Variants in WDR72 observed in about 807,000 individuals in gnomAD.
WDR72 encodes the protein WD repeat-containing protein 72.
A neutral mutation model predicts 124.2 loss-of-function variants in WDR72; 120 were observed. The observed-to-expected ratio is 0.97, with a 90% confidence interval of 0.83 to 1.12. WDR72 has a LOEUF of 1.12. WDR72 is among the 50% of genes most tolerant of loss of function. The pLI is 0.00. For synonymous variants in WDR72, 452 were observed against 441.7 expected (o/e 1.02, Z -0.29); for missense variants, 1,387 against 1,278.8 (o/e 1.08, Z -1.29).
chr15:53,702,162 C>A lies in WDR72; in HGVS notation c.1541G>T (p.Ser514Ile). 1 of 1,613,834 alleles carries A rather than the reference C, an allele frequency of 6.2e-7. No individual in the cohort carries two copies. Among genetic ancestry groups the A allele is most frequent in the Non-Finnish European group, 8.5e-7 (1 of 1,179,954 alleles). Residue 514 changes from serine (S) to isoleucine (I), a missense_variant, in exon 12 of 20, where the codon AGT (serine) becomes ATT (isoleucine). Physicochemically the swap from Ser to Ile is moderately radical, Grantham distance 142. Transcript: ENST00000360509. Reference protein sequence around the residue: ...KFFLEAGPVTSLLMSPEKFKL... With the variant: ...KFFLEAGPVTILLMSPEKFKL... ...AAACTTCTCTGGTGACATCAAAAGA[C>A]TTGTTACTGGACCAGCTTCCAAAAA... is the stretch of plus-strand genomic sequence containing the variant.
chr15:53,715,856 C>T (rs2017690332), intron 4 of WDR72, among the ~76,000 whole-genome samples: 1 of 152,138 alleles, frequency 6.6e-6, no homozygotes, highest in African/African-American at 2.4e-5. Flanking sequence ...AACCCAGGTT[C>T]CTTGCCATAG....
At chr15:53,623,355 G>A (rs1345005908) in intron 14 of WDR72, among the ~76,000 whole-genome samples, 1 of 151,920 alleles carries the variant, frequency 6.6e-6, no homozygotes, top group Non-Finnish European at 1.5e-5. Flanking sequence ...ATTGATAAGT[G>A]AGAACATGCA....
chr15:53,715,208 A>G lies in WDR72; in HGVS notation c.499T>C (p.Ser167Pro). The change falls in exon 5 of 20, where the codon TCC becomes CCC. Residue 167 changes from serine (S) to proline (P), a missense_variant. Ser to Pro is a moderately conservative substitution (Grantham distance 74, BLOSUM62 -1). Coordinates refer to ENST00000360509, the MANE Select transcript of WDR72 (RefSeq NM_182758.4). Reference protein sequence around the residue: ...DWINCMCIVHSMRIQEDSLLV... With the variant: ...DWINCMCIVHPMRIQEDSLLV... ...CAACTATTACCTTGAATTCTCATGG[A>G]GTGAACAATGCACATGCAGTTGATC... is the stretch of plus-strand genomic sequence containing the variant. The G allele has an allele frequency of 6.2e-7, 1 of 1,614,106 alleles. No individual in the cohort carries two copies.
intron 18 of WDR72, among the ~76,000 whole-genome samples, chr15:53,543,380 G>C (rs1452745140): frequency 6.6e-6 from 1 of 152,118 alleles, no homozygotes; most frequent in Non-Finnish European, 1.5e-5. Context: ...TGAACAACCT[G>C]CTCCTGAATG....
chr15:53,563,841 G>C (rs1047832552), intron 18 of WDR72, among the ~76,000 whole-genome samples: 1 of 151,728 alleles, frequency 6.6e-6, no homozygotes, highest in Non-Finnish European at 1.5e-5. Flanking sequence ...ATCGGAGCTC[G>C]TCATCCATCA....
chr15:53,550,654 T>A (rs975629654), intron 18 of WDR72, among the ~76,000 whole-genome samples: 1 of 152,204 alleles, frequency 6.6e-6, no homozygotes, highest in Admixed American at 6.5e-5. Flanking sequence ...AAGGAATGAT[T>A]AGGGAAATGG....
intron 13 of WDR72, among the ~76,000 whole-genome samples, chr15:53,678,438 C>T (rs1018668490): frequency 2.6e-5 from 4 of 152,136 alleles, no homozygotes; most frequent in Non-Finnish European, 4.4e-5. Context: ...TTGGTGGGCT[C>T]TTAACTCTAT....
chr15:53,689,392 A>G (rs938993234), intron 13 of WDR72, among the ~76,000 whole-genome samples: 1 of 149,846 alleles, frequency 6.7e-6, no homozygotes, highest in Non-Finnish European at 1.5e-5. Context: ...AACCCCATCA[A>G]AAAGTGGGCA....
intron 18 of WDR72, among the ~76,000 whole-genome samples, chr15:53,579,046 C>T (rs1003995050): frequency 6.6e-6 from 1 of 152,046 alleles, no homozygotes; most frequent in Non-Finnish European, 1.5e-5. Flanking sequence ...AACTGCTGGA[C>T]TGTTGCATGG....
intron 13 of WDR72, among the ~76,000 whole-genome samples, chr15:53,683,970 C>A (rs12903062): frequency 3.9e-5 from 6 of 151,914 alleles, no homozygotes; most frequent in Admixed American, 1.3e-4. Context: ...GTCAACGAAC[C>A]CTTTTTTTCC....
chr15:53,601,569 TA>T (rs1303451423), intron 17 of WDR72, among the ~76,000 whole-genome samples: 1 of 151,878 alleles, frequency 6.6e-6, no homozygotes, highest in Non-Finnish European at 1.5e-5. Flanking sequence ...AGTGGTAAGC[TA>T]GATAAAGAAC....
rs576635305 is a variant in WDR72, at chr15:53,675,013, T to A, written c.1766-9245A>T. The stretch of plus-strand genomic sequence containing the variant: ...ATGTGTAAAGATAGCAAAGAATGCA[T>A]TAATTTTCAACACATTTTAAACTAG... On this transcript the variant is annotated intron_variant, in intron 13 of 19. Transcript: ENST00000360509. Among the ~76,000 whole-genome samples, 3 of 152,336 alleles carry A rather than the reference T, an allele frequency of 2.0e-5. No homozygotes were observed. In the South Asian group the frequency reaches 6.2e-4, roughly 32 times the overall value.
rs573246485 is a variant in WDR72, at chr15:53,705,262, A to T, written c.1103-29T>A. ...AAAAGAAAACAGACATAAAAAGAAA[A>T]TTTGGTTTATCAGTACATCATAGAC... On this transcript the variant is annotated intron_variant, in intron 10 of 19. Coordinates refer to ENST00000360509, the MANE Select transcript of WDR72 (RefSeq NM_182758.4). 8 of 1,607,960 alleles carry T rather than the reference A, an allele frequency of 5.0e-6. No individual in the cohort carries two copies. In the East Asian group the frequency reaches 1.8e-4, roughly 36 times the overall value.
chr15:53,566,875 T>C (rs911584170), intron 18 of WDR72, among the ~76,000 whole-genome samples: 1 of 152,040 alleles, frequency 6.6e-6, no homozygotes, highest in Non-Finnish European at 1.5e-5. Context: ...AATAGGTTAC[T>C]GGAACATACC....
intron 13 of WDR72, among the ~76,000 whole-genome samples, chr15:53,688,502 G>A (rs1304778661): frequency 6.6e-6 from 1 of 151,946 alleles, no homozygotes; most frequent in African/African-American, 2.4e-5. Flanking sequence ...AATCCAACTT[G>A]CAAGGGAAGT....
intron 18 of WDR72, among the ~76,000 whole-genome samples, chr15:53,591,645 G>T (rs1377497526): frequency 6.7e-6 from 1 of 149,622 alleles, no homozygotes; most frequent in African/African-American, 2.5e-5. Flanking sequence ...CCAAAATGAG[G>T]AAATTAACAC....
rs2140368604 is a variant in WDR72 at position 53,616,132 on chromosome 15, G to C, written c.2074C>G (p.Leu692Val). ...LLFDLENLVE[L>V]LLPTPLSDVD... is the part of the protein sequence containing the mutation. The stretch of plus-strand genomic sequence containing the variant: ...TCACTGAGTGGAGTTGGTAGCAAAA[G>C]TTCAACAAGGTTTTCCAGATCAAAT... Residue 692 changes from leucine (L) to valine (V), a missense_variant, in exon 15 of 20, where the codon CTT (leucine) becomes GTT (valine). Leu to Val is a conservative substitution (Grantham distance 32). Coordinates refer to ENST00000360509, the MANE Select transcript of WDR72 (RefSeq NM_182758.4). The C allele has an allele frequency of 1.2e-6, 2 of 1,604,178 alleles. No individual in the cohort carries two copies. Among genetic ancestry groups the C allele is most frequent in the Non-Finnish European group, 8.5e-7 (1 of 1,174,454 alleles).
chr15:53,690,696 G>T lies in WDR72; in HGVS notation c.1765+9054C>A, dbSNP rs138949383. Among the ~76,000 whole-genome samples, 1,034 of 152,274 alleles carry T rather than the reference G, an allele frequency of 6.8e-3. 17 individuals are homozygous for T. The highest frequency in any genetic ancestry group is 7.1e-3 in the Non-Finnish European group (486 of 68,028). On this transcript the variant is annotated intron_variant, in intron 13 of 19. Transcript: ENST00000360509. The stretch of plus-strand genomic sequence containing the variant: ...GATTAACAGGAGATTAGTCTATGGA[G>T]ATTCCTCCATTGATGGACATTTAGG...
intron 13 of WDR72, among the ~76,000 whole-genome samples, chr15:53,670,723 T>C (rs2015956540): frequency 6.6e-6 from 1 of 152,178 alleles, no homozygotes; most frequent in Non-Finnish European, 1.5e-5. Context: ...TGGAGTTACT[T>C]GAGGATTAAA....
Sources: allele counts gnomAD v4.1 joint callset (sites outside exome capture counted in the v4.1 genomes callset), GRCh38; gene constraint gnomAD v4.1.1; transcripts MANE v1.5; gene names NCBI Gene and HGNC (gene_info 2026-07-23, HGNC 2026-07-21).